The following ACAP2 variants were observed in gnomAD, a reference collection of about 807,000 sequenced individuals.
The protein encoded by ACAP2 is ArfGAP with coiled-coil, ankyrin repeat and PH domains 2.
ACAP2 carries 39 observed loss-of-function variants against 115.8 expected under a neutral mutation model. The observed-to-expected ratio is 0.34, with a 90% confidence interval of 0.26 to 0.44. ACAP2 has a LOEUF of 0.44. Ranked by LOEUF, ACAP2 falls within the 20% of genes least tolerant of loss-of-function variation. ACAP2 has a pLI of 1.00. For missense variants in ACAP2, 662 were observed against 927.6 expected (o/e 0.71, Z 3.72); for synonymous variants, 289 against 315.8 (o/e 0.92, Z 0.90).
intron 22 of ACAP2, chr3:195,282,354 T>TAA (rs1726562001): frequency 6.6e-6 from 1 of 152,236 alleles, no homozygotes; most frequent in Non-Finnish European, 1.5e-5. Flanking sequence ...AGTGTTAATA[T>TAA]AATACAAAAG....
chr3:195,336,839 T>C, intron 7 of ACAP2, 93 bp downstream of exon 7: 1 of 974,966 alleles, frequency 1.0e-6, no homozygotes, highest in Non-Finnish European at 1.6e-6. Flanking sequence ...ATAAACCTTA[T>C]CATGTATATA....
intron 4 of ACAP2, among the ~76,000 whole-genome samples, chr3:195,378,525 C>CA (rs1474122138): frequency 2.8e-5 from 4 of 142,536 alleles, no homozygotes; most frequent in East Asian, 2.5e-4. Flanking sequence ...CAAAAAAAAA[C>CA]AAAAAAAATC....
At chr3:195,365,657 G>A (rs763544286) in intron 4 of ACAP2, among the ~76,000 whole-genome samples, 14 of 151,728 alleles carry the variant, frequency 9.2e-5, no homozygotes, top group Non-Finnish European at 1.8e-4. Context: ...TGTCCTTTCC[G>A]GAATCTATAG....
At chr3:195,283,000 G>A (rs1006702738) in intron 22 of ACAP2, among the ~76,000 whole-genome samples, 6 of 152,254 alleles carry the variant, frequency 3.9e-5, no homozygotes, top group Admixed American at 6.5e-5. Context: ...TCCTATGCAC[G>A]ACCTTACCCC....
chr3:195,421,298 T>C (rs777585391), intron 1 of ACAP2, among the ~76,000 whole-genome samples: 1 of 152,196 alleles, frequency 6.6e-6, no homozygotes, highest in Non-Finnish European at 1.5e-5. Flanking sequence ...CCTCAGGTGA[T>C]TCTGATGTGC....
At position 195,290,849 on chromosome 3, in the gene ACAP2, TAATA is replaced by T. The variant is rs370263101; in HGVS notation, c.2063+853_2063+856del. Among the ~76,000 whole-genome samples the T allele has an allele frequency of 3.8e-3, 505 of 134,172 alleles. 4 individuals carry two copies. The highest frequency in any genetic ancestry group is 8.1e-3 in the African/African-American group (274 of 33,982). The allele number at this position is 134,172 out of a possible 152,430, so 88.0% of individuals were successfully genotyped here. On this transcript the variant is annotated intron_variant, in intron 20 of 22. Transcript: ENST00000326793. ...ATAAATAAATAAATAAATAAATAAA[TAATA>T]AATAAATAAATAAATAAATAAAAAT...
chr3:195,328,854 C>T (rs574966883), intron 8 of ACAP2, among the ~76,000 whole-genome samples: 43 of 152,204 alleles, frequency 2.8e-4, no homozygotes, highest in African/African-American at 8.7e-4. Flanking sequence ...CCGAGATGGG[C>T]GAATCACAAG....
At chr3:195,339,221 A>C (rs1348474675) in intron 6 of ACAP2, among the ~76,000 whole-genome samples, 1 of 151,884 alleles carries the variant, frequency 6.6e-6, no homozygotes, top group Non-Finnish European at 1.5e-5. Context: ...ACACAGCAAG[A>C]CTCCTTCTCA....
chr3:195,307,070 T>A (rs73206678), intron 12 of ACAP2, among the ~76,000 whole-genome samples, 153 bp downstream of exon 12: 1,528 of 152,290 alleles, frequency 0.01, 16 homozygotes, highest in Non-Finnish European at 0.014. Flanking sequence ...GACTATAATA[T>A]CTGTAACCAT....
chr3:195,412,025 C>T (rs1713306643), intron 1 of ACAP2, among the ~76,000 whole-genome samples: 1 of 151,406 alleles, frequency 6.6e-6, no homozygotes, highest in Admixed American at 6.6e-5. Flanking sequence ...CTACACTTGG[C>T]TAAAAATAAG....
Position 195,302,004 on chromosome 3 carries a change from C to G in ACAP2, c.1287G>C (p.Leu429=), listed in dbSNP as rs1279537212. 4 of 1,613,698 alleles carry G rather than the reference C, an allele frequency of 2.5e-6. No individual in the cohort carries two copies. The highest frequency in any genetic ancestry group is 2.5e-6 in the Non-Finnish European group (3 of 1,180,036). The change falls in exon 14 of 23, where the codon CTG becomes CTC. Residue 429 remains leucine, a synonymous_variant. Transcript: ENST00000326793. ...LADPRWASIN[L]GITLCIECSG... ...AGCACTCGATACACAAGGTGATGCCCAGGTTGATGCTGGCCCACCGTGGAT... is the reference window on the plus strand; with the variant it reads ...AGCACTCGATACACAAGGTGATGCCGAGGTTGATGCTGGCCCACCGTGGAT...
chr3:195,346,311 T>C (rs1053922137), intron 4 of ACAP2, among the ~76,000 whole-genome samples: 7 of 151,844 alleles, frequency 4.6e-5, no homozygotes, highest in African/African-American at 1.7e-4. Flanking sequence ...TAGAGAAAAA[T>C]CAAAGAATCA....
intron 15 of ACAP2, among the ~76,000 whole-genome samples, chr3:195,297,792 G>A (rs1335495160): frequency 1.3e-5 from 2 of 151,908 alleles, no homozygotes; most frequent in African/African-American, 2.4e-5. Context: ...CCTCTTTTTG[G>A]GTTGGGTTCT....
intron 18 of ACAP2, 35 bp from the exon 19 acceptor site, chr3:195,292,487 A>G: frequency 6.5e-7 from 1 of 1,549,224 alleles, no homozygotes; most frequent in Admixed American, 2.2e-5. Context: ...AATAAAAATG[A>G]GCTCTTGGCA....
At chr3:195,414,574 G>T (rs78001384) in intron 1 of ACAP2, among the ~76,000 whole-genome samples, 1 of 152,150 alleles carries the variant, frequency 6.6e-6, no homozygotes, top group Non-Finnish European at 1.5e-5. Context: ...TGTACATCCA[G>T]ACAACAGAGT....
At chr3:195,289,733 GA>G (rs1727113379) in intron 20 of ACAP2, among the ~76,000 whole-genome samples, 1 of 147,130 alleles carries the variant, frequency 6.8e-6, no homozygotes, top group South Asian at 2.2e-4. Flanking sequence ...GTGAACCCGG[GA>G]GGCGGAGCTT....
intron 15 of ACAP2, among the ~76,000 whole-genome samples, chr3:195,297,613 T>C (rs1727740904): frequency 6.6e-6 from 1 of 152,076 alleles, no homozygotes; most frequent in Non-Finnish European, 1.5e-5. Context: ...AGGCAAGAAG[T>C]ATGACAACAA....
rs2108887912 is a variant in ACAP2, at chr3:195,443,013, C to G, written c.-166G>C. The G allele has an allele frequency of 1.8e-6, 1 of 545,068 alleles. No individual in the cohort carries two copies. The highest frequency in any genetic ancestry group is 3.1e-6 in the Non-Finnish European group (1 of 325,076). 33.8% of individuals were successfully genotyped at this position (545,068 alleles called of 1,614,324 possible). ...ATAGCAGCCGCGAAGACGGCGACGA[C>G]TAGTCAGGCCCCAGTCCCGCCCCTC... is the stretch of plus-strand genomic sequence containing the variant. On this transcript the variant is annotated 5_prime_UTR_variant, in exon 1 of 23. Coordinates refer to ENST00000326793, the MANE Select transcript of ACAP2 (RefSeq NM_012287.6).
intron 18 of ACAP2, among the ~76,000 whole-genome samples, chr3:195,293,426 CTT>C (rs955465447): frequency 3.3e-5 from 5 of 152,222 alleles, no homozygotes; most frequent in African/African-American, 1.2e-4. Context: ...TTGCTGATCT[CTT>C]TCTCCTGATA....
Sources: allele counts gnomAD v4.1 joint callset (sites outside exome capture counted in the v4.1 genomes callset), GRCh38; gene constraint gnomAD v4.1.1; transcripts MANE v1.5; gene names NCBI Gene and HGNC (gene_info 2026-07-23, HGNC 2026-07-21).